The following ALMS1 variants were observed in gnomAD, a reference collection of about 807,000 sequenced individuals.
ALMS1 encodes ALMS1 centrosome and basal body associated protein, also known as centrosome-associated protein ALMS1.
ALMS1 carries 271 observed loss-of-function variants against 352.2 expected under a neutral mutation model. The ratio of observed to expected loss-of-function variants is 0.77; its 90% CI spans 0.70 to 0.85. The LOEUF (loss-of-function observed/expected upper bound fraction) is 0.85. Among genes scored for constraint, ALMS1 ranks in the 40% least tolerant of loss-of-function variants. The pLI, the probability that ALMS1 is intolerant of heterozygous loss-of-function variation, is 0.00. For synonymous variants in ALMS1, 1,865 were observed against 1,761.2 expected, an observed-to-expected ratio of 1.06 and a Z score of -1.48; for missense variants, 5,445 against 4,870.7, an observed-to-expected ratio of 1.12 and a Z score of -3.51.
intron 10 of ALMS1, among the ~76,000 whole-genome samples, chr2:73,496,859 T>C (rs1673118074): frequency 6.6e-6 from 1 of 152,238 alleles, no homozygotes; most frequent in Non-Finnish European, 1.5e-5. Context: ...TTCAAGAGCT[T>C]ATTTGCCATC....
chr2:73,413,112 C>G (rs574403069), intron 2 of ALMS1, among the ~76,000 whole-genome samples: 243 of 151,536 alleles, frequency 1.6e-3, no homozygotes, highest in Non-Finnish European at 2.5e-3. Flanking sequence ...CTTATTTGCC[C>G]TCCATGTTTC....
chr2:73,419,177 G>T lies in ALMS1; in HGVS notation c.505G>T (p.Asp169Tyr), dbSNP rs758656780. The T allele has an allele frequency of 2.5e-6, 4 of 1,613,878 alleles. No individual in the cohort carries two copies. In the Admixed American group the frequency reaches 6.7e-5, roughly 27 times the overall value. The change falls in exon 3 of 23, where the codon GAT becomes TAT. Residue 169 changes from aspartate to tyrosine, a missense_variant. Transcript: ENST00000613296. ...PQEMDSSQTL[D>Y]TSQTRFNVRT... Reference sequence around the variant, plus strand: ...AGAAATGGACTCTTCCCAAACCTTGGATACATCCCAGACTAGGTTTAATGT... The same window carrying T: ...AGAAATGGACTCTTCCCAAACCTTGTATACATCCCAGACTAGGTTTAATGT...
At chr2:73,460,626 G>A (rs1048880425) in intron 9 of ALMS1, among the ~76,000 whole-genome samples, 6 of 152,194 alleles carry the variant, frequency 3.9e-5, no homozygotes, top group African/African-American at 9.6e-5. Flanking sequence ...TTCACAAGCC[G>A]AAGCAGGGCG....
intron 9 of ALMS1, among the ~76,000 whole-genome samples, chr2:73,488,084 C>T (rs1253577112): frequency 6.6e-6 from 1 of 152,214 alleles, no homozygotes; most frequent in Non-Finnish European, 1.5e-5. Flanking sequence ...TTCAACCCAT[C>T]CCTGGCTTAA....
intron 3 of ALMS1, among the ~76,000 whole-genome samples, chr2:73,421,498 C>T (rs1442577244): frequency 6.6e-6 from 1 of 152,124 alleles, no homozygotes; most frequent in African/African-American, 2.4e-5. Flanking sequence ...CAAAGAGGAA[C>T]TGTACCAATT....
At chr2:73,524,465 A>AT (rs1673747463) in intron 11 of ALMS1, among the ~76,000 whole-genome samples, 1 of 151,498 alleles carries the variant, frequency 6.6e-6, no homozygotes, top group African/African-American at 2.4e-5. Flanking sequence ...TTAAGTATTT[A>AT]TTTTTTTTGA....
chr2:73,598,036 T>C (rs1675589330), intron 16 of ALMS1, among the ~76,000 whole-genome samples: 1 of 152,210 alleles, frequency 6.6e-6, no homozygotes, highest in Admixed American at 6.5e-5. Context: ...CAGTAATTGC[T>C]TAGTAAATAT....
At chr2:73,583,867 A>C (rs1016995429) in intron 16 of ALMS1, among the ~76,000 whole-genome samples, 1 of 152,104 alleles carries the variant, frequency 6.6e-6, no homozygotes. Context: ...ATATCACACT[A>C]TTTTGATTAC....
chr2:73,469,442 A>G (rs1672424157), intron 9 of ALMS1: 3 of 151,950 alleles, frequency 2.0e-5, no homozygotes, highest in Non-Finnish European at 2.9e-5. Context: ...CATGCCAGAT[A>G]TACCACTTAG....
At chr2:73,466,404 T>C (rs1274348744) in intron 9 of ALMS1, among the ~76,000 whole-genome samples, 1 of 149,268 alleles carries the variant, frequency 6.7e-6, no homozygotes, top group Non-Finnish European at 1.5e-5. Context: ...AAACACCACA[T>C]GTTCTCACTC....
intron 13 of ALMS1, among the ~76,000 whole-genome samples, chr2:73,552,046 T>A (rs544227748): frequency 1.4e-4 from 22 of 152,296 alleles, no homozygotes; most frequent in African/African-American, 2.6e-4. Context: ...TGCATGGTTT[T>A]TTTTATTTTA....
At chr2:73,480,057 T>C (rs1672662959) in intron 9 of ALMS1, among the ~76,000 whole-genome samples, 2 of 151,672 alleles carry the variant, frequency 1.3e-5, no homozygotes, top group Non-Finnish European at 2.9e-5. Context: ...ATTTTCTTTT[T>C]TTATTTTTAT....
At chr2:73,390,334 G>T (rs922719615) in intron 1 of ALMS1, among the ~76,000 whole-genome samples, 1 of 152,028 alleles carries the variant, frequency 6.6e-6, no homozygotes, top group Admixed American at 6.6e-5. Context: ...CTAATGCTGC[G>T]TATTTAGAGG....
rs1200801072 is a variant in ALMS1, at chr2:73,448,168, A to C, written c.1641A>C (p.Leu547=). 8 of 1,614,064 alleles carry C rather than the reference A, an allele frequency of 5.0e-6. No homozygotes were observed. Among genetic ancestry groups the C allele is most frequent in the Non-Finnish European group, 5.1e-6 (6 of 1,179,944 alleles). ...AAAAGACATTAGCAGATACTCATCT[A>C]ACTGAAGAGACTCTGAAAGTCACAG... ...LNQKTLADTH[L]TEETLKVTAI... The change falls in exon 8 of 23, where the codon CTA becomes CTC. Residue 547 remains leucine, a synonymous_variant. Coordinates refer to ENST00000613296, the MANE Select transcript of ALMS1 (RefSeq NM_001378454.1).
At chr2:73,515,189 C>T (rs1450504077) in intron 10 of ALMS1, among the ~76,000 whole-genome samples, 4 of 152,068 alleles carry the variant, frequency 2.6e-5, no homozygotes, top group African/African-American at 9.7e-5. Context: ...TACACAGTGT[C>T]TATTTGCTTC....
intron 1 of ALMS1, among the ~76,000 whole-genome samples, chr2:73,393,096 T>C (rs1670682829): frequency 6.6e-6 from 1 of 152,184 alleles, no homozygotes; most frequent in African/African-American, 2.4e-5. Flanking sequence ...TGGAGAAATA[T>C]CTATTCAGGT....
intron 16 of ALMS1, among the ~76,000 whole-genome samples, chr2:73,590,674 T>G (rs1241107293): frequency 6.7e-6 from 1 of 149,222 alleles, no homozygotes; most frequent in African/African-American, 2.5e-5. Flanking sequence ...TTCTGTTTTA[T>G]TACTTTTTTT....
intron 16 of ALMS1, among the ~76,000 whole-genome samples, chr2:73,577,324 TC>T (rs1463564941): frequency 5.9e-5 from 9 of 152,190 alleles, no homozygotes; most frequent in African/African-American, 1.9e-4. Flanking sequence ...TGATTCAATG[TC>T]TTTTAAGTCT....
Position 73,490,906 on chromosome 2 carries a change from C to G in ALMS1, c.8947C>G (p.His2983Asp). The G allele has an allele frequency of 6.2e-7, 1 of 1,613,758 alleles. No individual in the cohort carries two copies. Among genetic ancestry groups the G allele is most frequent in the Non-Finnish European group, 8.5e-7 (1 of 1,179,912 alleles). ...APGVDDQMNK[H>D]HFPLPQGQDC... ...AGGTGTAGATGACCAAATGAATAAA[C>G]ACCATTTTCCCCTTCCTCAAGGTCA... Residue 2983 changes from histidine (H) to aspartate (D), a missense_variant, in exon 10 of 23, where the codon CAC becomes GAC. Coordinates refer to ENST00000613296, the MANE Select transcript of ALMS1 (RefSeq NM_001378454.1).
Sources: gnomAD v4.1 joint callset for allele counts (sites outside exome capture counted in the v4.1 genomes callset) on GRCh38, gnomAD v4.1.1 for gene constraint, MANE v1.5 for transcripts, NCBI Gene and HGNC (gene_info 2026-07-23, HGNC 2026-07-21) for gene names.